The following SNX8 variants were observed in gnomAD, a reference collection of about 807,000 sequenced individuals.
SNX8 encodes sorting nexin 8, also known as sorting nexin-8.
A neutral mutation model predicts 51.6 loss-of-function variants in SNX8; 25 were observed. The ratio of observed to expected loss-of-function variants is 0.48; its 90% CI spans 0.35 to 0.68. The LOEUF is 0.68. Ranked by LOEUF, SNX8 falls within the 30% of genes least tolerant of loss-of-function variation. The pLI, the probability that SNX8 is intolerant of heterozygous loss-of-function variation, is 0.00. For synonymous variants in SNX8, 324 were observed against 277.0 expected (o/e 1.17, Z -1.68); for missense variants, 695 against 624.0 (o/e 1.11, Z -1.21).
intron 5 of SNX8, 72 bp downstream of exon 5, chr7:2,269,487 G>A (rs1441996877): frequency 2.8e-5 from 23 of 832,278 alleles, no homozygotes; most frequent in African/African-American, 1.6e-4. Context: ...CCCCCTCTGC[G>A]AGAAACACCC....
intron 2 of SNX8, among the ~76,000 whole-genome samples, chr7:2,276,620 T>C (rs905867427): frequency 1.5e-5 from 2 of 133,136 alleles, no homozygotes; most frequent in African/African-American, 2.9e-5. Context: ...TGAGACAACA[T>C]AGCAAGTCTC....
chr7:2,258,885 G>A (rs544621821), intron 7 of SNX8, among the ~76,000 whole-genome samples: 2 of 152,290 alleles, frequency 1.3e-5, no homozygotes, highest in South Asian at 4.2e-4. Context: ...GTGGAACAGG[G>A]GCCCCATCAC....
At chr7:2,257,241 AC>A (rs1419210469) in intron 9 of SNX8, 123 bp downstream of exon 9, 28 of 1,248,594 alleles carry the variant, frequency 2.2e-5, no homozygotes, top group Non-Finnish European at 2.8e-5. Context: ...CCTCCACTGC[AC>A]CCCCAGCTCT....
intron 1 of SNX8, among the ~76,000 whole-genome samples, chr7:2,292,712 A>G (rs1332265910): frequency 6.6e-6 from 1 of 152,108 alleles, no homozygotes; most frequent in Non-Finnish European, 1.5e-5. Context: ...TGCCCGGCCC[A>G]GGCAAAGACT....
intron 1 of SNX8, among the ~76,000 whole-genome samples, chr7:2,302,165 C>A (rs1021229295): frequency 1.3e-5 from 2 of 152,242 alleles, no homozygotes; most frequent in African/African-American, 4.8e-5. Context: ...CGAAGCTGGA[C>A]TGTACTGCTG....
At chr7:2,282,492 A>G (rs1028570580) in intron 1 of SNX8, among the ~76,000 whole-genome samples, 1 of 152,216 alleles carries the variant, frequency 6.6e-6, no homozygotes, top group Non-Finnish European at 1.5e-5. Context: ...TCAGCCTCAC[A>G]AGTCTGTGAA....
intron 1 of SNX8, among the ~76,000 whole-genome samples, chr7:2,291,278 G>C (rs1348633836): frequency 2.0e-5 from 3 of 151,826 alleles, no homozygotes; most frequent in Non-Finnish European, 4.4e-5. Context: ...CTAGCCTGGG[G>C]AGCAGAAGAC....
chr7:2,345,932 C>T (rs1050953799), intron 1 of SNX8, among the ~76,000 whole-genome samples: 17 of 151,908 alleles, frequency 1.1e-4, no homozygotes, highest in African/African-American at 2.2e-4. Flanking sequence ...CTCAGCCTCC[C>T]GAGTAGCTGG....
intron 7 of SNX8, among the ~76,000 whole-genome samples, chr7:2,260,650 C>A (rs1211741875): frequency 6.6e-6 from 1 of 152,114 alleles, no homozygotes; most frequent in African/African-American, 2.4e-5. Context: ...TTAGGAAAAA[C>A]GGTCCTCGCT....
chr7:2,275,100 G>T lies in SNX8; in HGVS notation c.418+12C>A. ...TCCCTCCGCCCCCGGTGGGCAGCACGCCTGGCTTTACCTCCCAGCATTCTC... is the reference window on the plus strand; with the variant it reads ...TCCCTCCGCCCCCGGTGGGCAGCACTCCTGGCTTTACCTCCCAGCATTCTC... On this transcript the variant is annotated intron_variant, in intron 3 of 10. Transcript: ENST00000222990. The T allele has an allele frequency of 1.9e-6, 3 of 1,583,598 alleles. No individual in the cohort carries two copies. Among genetic ancestry groups the T allele is most frequent in the Non-Finnish European group, 2.6e-6 (3 of 1,152,186 alleles).
intron 1 of SNX8, among the ~76,000 whole-genome samples, chr7:2,297,682 T>A (rs1055836112): frequency 6.6e-6 from 1 of 151,280 alleles, no homozygotes; most frequent in East Asian, 2.0e-4. Flanking sequence ...ATGTGGTTCA[T>A]ATACATCATG....
intron 1 of SNX8, among the ~76,000 whole-genome samples, chr7:2,338,216 A>G (rs1298579669): frequency 1.3e-5 from 2 of 152,036 alleles, no homozygotes; most frequent in Admixed American, 6.6e-5. Flanking sequence ...TAATCCCAGC[A>G]CTTTGGGAGG....
chr7:2,345,322 G>T (rs545429431), intron 1 of SNX8, among the ~76,000 whole-genome samples: 1 of 152,268 alleles, frequency 6.6e-6, no homozygotes, highest in East Asian at 1.9e-4. Context: ...CTGCAGAAGG[G>T]TCTGTGGAGT....
At chr7:2,264,872 T>C (rs1300680658) in intron 5 of SNX8, among the ~76,000 whole-genome samples, 1 of 151,526 alleles carries the variant, frequency 6.6e-6, no homozygotes, top group African/African-American at 2.4e-5. Flanking sequence ...CCATCTCCAC[T>C]AAAAATACAA....
intron 1 of SNX8, among the ~76,000 whole-genome samples, chr7:2,306,431 G>A (rs1381532030): frequency 1.3e-5 from 2 of 152,296 alleles, no homozygotes; most frequent in Admixed American, 6.5e-5. Context: ...TTTTAATATG[G>A]ATTCCATTTA....
At chr7:2,271,800 G>A (rs376160969) in intron 4 of SNX8, 50 bp downstream of exon 4, 1 of 1,556,812 alleles carries the variant, frequency 6.4e-7, no homozygotes, top group African/African-American at 1.4e-5. Flanking sequence ...CGGGTCCGGA[G>A]GCTCGGGGAC....
intron 1 of SNX8, among the ~76,000 whole-genome samples, chr7:2,322,817 G>C (rs1357385145): frequency 6.6e-6 from 1 of 151,394 alleles, no homozygotes; most frequent in Non-Finnish European, 1.5e-5. Context: ...AGGAGTTCAA[G>C]ACCAGCCTGG....
chr7:2,263,475 T>G (rs1336498273), intron 6 of SNX8, 113 bp from the exon 7 acceptor site: 23 of 1,029,100 alleles, frequency 2.2e-5, no homozygotes, highest in Non-Finnish European at 3.1e-5. Context: ...CGTGACCCCG[T>G]CCTAGGACCC....
At chr7:2,319,067 G>A (rs1343249325), upstream of SNX8, among the ~76,000 whole-genome samples, 3 of 151,784 alleles carry the variant, frequency 2.0e-5, no homozygotes, top group Non-Finnish European at 4.4e-5. Context: ...GGCCGGATAC[G>A]GTGGCTCACG....
Sources: gnomAD v4.1 joint callset for allele counts (sites outside exome capture counted in the v4.1 genomes callset) on GRCh38, gnomAD v4.1.1 for gene constraint, MANE v1.5 for transcripts, NCBI Gene and HGNC (gene_info 2026-07-23, HGNC 2026-07-21) for gene names.